CDH9: variants seen among roughly 807,000 people sequenced by gnomAD.
CDH9 encodes cadherin 9.
CDH9 carries 28 observed loss-of-function variants against 70.9 expected under a neutral mutation model. The observed-to-expected ratio is 0.40, with a 90% CI of 0.29 to 0.54. The LOEUF (loss-of-function observed/expected upper bound fraction) is 0.54, where lower values mean the gene tolerates loss of function less well. Ranked by LOEUF, CDH9 falls within the 20% of genes least tolerant of loss-of-function variation. The pLI is 0.59. For synonymous variants in CDH9, 409 were observed against 343.1 expected (o/e 1.19, Z -2.12); for missense variants, 874 against 984.4 (o/e 0.89, Z 1.50).
rs143100469 is a variant in CDH9 at position 26,903,808 on chromosome 5, A to G, written c.828T>C (p.Asn276=). 68 of 1,568,498 alleles carry G rather than the reference A, an allele frequency of 4.3e-5. No individual in the cohort carries two copies. The African/African-American group carries it at 8.3e-4, about 19-fold the overall frequency. The change falls in exon 6 of 12, where the codon AAT becomes AAC. Residue 276 remains asparagine, a synonymous_variant. Coordinates refer to ENST00000231021, the MANE Select transcript of CDH9 (RefSeq NM_016279.4). ...TTCCAAGAGGTACAGACTCAGGAGA[A>G]TTAAATTGATACGTACCTATAAATT... ...PRFPQSTYQF[N]SPESVPLGTH... is the part of the protein sequence containing the mutation.
intron 2 of CDH9, among the ~76,000 whole-genome samples, chr5:26,986,754 C>T (rs1391738247): frequency 2.0e-5 from 3 of 151,972 alleles, no homozygotes; most frequent in Admixed American, 2.0e-4. Flanking sequence ...GCTAGCTGAA[C>T]TTGAATTTCC....
Position 26,982,054 on chromosome 5 carries a change from C to T in CDH9, c.228+6052G>A, listed in dbSNP as rs180698936. Among the ~76,000 whole-genome samples, 272 of 152,110 alleles carry T rather than the reference C, an allele frequency of 1.8e-3. 2 individuals are homozygous for T. The highest frequency in any genetic ancestry group is 6.2e-3 in the African/African-American group (258 of 41,494). ...CTTCTGTCACTTGTTGTTTCCCTCC[C>T]TCCGTCTCGTCCTTCCTGATGAGTA... On this transcript the variant is annotated intron_variant, in intron 2 of 11. Transcript: ENST00000231021.
At chr5:26,916,732 G>A (rs1004334759) in intron 2 of CDH9, among the ~76,000 whole-genome samples, 6 of 151,628 alleles carry the variant, frequency 4.0e-5, no homozygotes, top group African/African-American at 1.2e-4. Flanking sequence ...GTAGATTCAC[G>A]GGCTCTGTAT....
intron 2 of CDH9, among the ~76,000 whole-genome samples, chr5:26,951,291 CAAAAAAAAAAAAAAA>C (rs796799417): frequency 2.3e-5 from 2 of 86,196 alleles, no homozygotes; most frequent in African/African-American, 1.1e-4. Context: ...GACTCTGTCT[CAAAAAAAAAAAAAAA>C]AAAAAAAAAA....
intron 2 of CDH9, among the ~76,000 whole-genome samples, chr5:26,965,154 C>T (rs1742107372): frequency 6.6e-6 from 1 of 152,176 alleles, no homozygotes; most frequent in East Asian, 1.9e-4. Context: ...GTAATATCCC[C>T]TCTTAATAGA....
In CDH9 at chr5:26,959,581, T is replaced by C. The variant is rs1227779097; in HGVS notation, c.228+28525A>G. ...ATGTTCAAAGCTGCCTTATTTATAA[T>C]AGCCAAAGGAAGAAACCAAAGATCT... On this transcript the variant is annotated intron_variant, in intron 2 of 11. Transcript: ENST00000231021. Among the ~76,000 whole-genome samples, 3 of 152,116 alleles carry C rather than the reference T, an allele frequency of 2.0e-5. No individual in the cohort carries two copies. In the East Asian group the frequency reaches 5.8e-4, roughly 29 times the overall value.
intron 1 of CDH9, among the ~76,000 whole-genome samples, chr5:26,996,151 T>C (rs1742661935): frequency 1.3e-5 from 2 of 151,968 alleles, no homozygotes; most frequent in Admixed American, 1.3e-4. Context: ...ATTTTAATTA[T>C]TCTAATCTTT....
chr5:26,991,620 A>G (rs1043884969), intron 1 of CDH9, among the ~76,000 whole-genome samples: 4 of 152,192 alleles, frequency 2.6e-5, no homozygotes, highest in African/African-American at 9.6e-5. Flanking sequence ...TCCTTGTCTC[A>G]GGTTTTGTTT....
chr5:26,882,570 C>T (rs996532576), intron 11 of CDH9, among the ~76,000 whole-genome samples: 4 of 151,812 alleles, frequency 2.6e-5, no homozygotes, highest in South Asian at 2.1e-4. Flanking sequence ...GAAGCAAACA[C>T]GATTTTAAAA....
chr5:26,984,619 A>T (rs1742459521), intron 2 of CDH9, among the ~76,000 whole-genome samples: 1 of 152,146 alleles, frequency 6.6e-6, no homozygotes, highest in Non-Finnish European at 1.5e-5. Flanking sequence ...ATTCTCTAAC[A>T]GAATAGTAGG....
At chr5:27,030,119 G>T (rs1743286165) in intron 1 of CDH9, among the ~76,000 whole-genome samples, 2 of 151,934 alleles carry the variant, frequency 1.3e-5, no homozygotes, top group Admixed American at 6.6e-5. Context: ...GGACTGCATT[G>T]TTGGAAGAGT....
intron 2 of CDH9, among the ~76,000 whole-genome samples, chr5:26,960,785 C>T (rs1742020436): frequency 7.7e-6 from 1 of 130,418 alleles, no homozygotes; most frequent in South Asian, 3.1e-4. Context: ...TAAAAGTTTT[C>T]ATTGTAAAAG....
chr5:26,961,176 A>C (rs1030007185), intron 2 of CDH9, among the ~76,000 whole-genome samples: 7 of 152,130 alleles, frequency 4.6e-5, no homozygotes, highest in African/African-American at 2.4e-5. Context: ...GGTAAGCAAC[A>C]AGGTGTTTTG....
chr5:26,975,198 G>T (rs1295453525), intron 2 of CDH9, among the ~76,000 whole-genome samples: 1 of 151,854 alleles, frequency 6.6e-6, no homozygotes, highest in Non-Finnish European at 1.5e-5. Context: ...GAAAAGAAGG[G>T]ATGTGACCCT....
chr5:26,965,574 T>TTAA (rs59563835), intron 2 of CDH9, among the ~76,000 whole-genome samples: 9,816 of 146,636 alleles, frequency 0.067, 817 homozygotes, highest in African/African-American at 0.2. Context: ...AGACTCTGTC[T>TTAA]TAATAATAAT....
At chr5:26,961,769 T>C (rs1579479236) in intron 2 of CDH9, among the ~76,000 whole-genome samples, 1 of 152,194 alleles carries the variant, frequency 6.6e-6, no homozygotes, top group East Asian at 1.9e-4. Flanking sequence ...AGACTTAGCA[T>C]GCAGTTTCGT....
chr5:26,954,723 T>G (rs1236541686), intron 2 of CDH9, among the ~76,000 whole-genome samples: 1 of 152,186 alleles, frequency 6.6e-6, no homozygotes, highest in East Asian at 1.9e-4. Flanking sequence ...AAAAACAAAT[T>G]ACCACCATTT....
chr5:26,989,059 T>C (rs1159351916), intron 1 of CDH9, among the ~76,000 whole-genome samples: 1 of 152,072 alleles, frequency 6.6e-6, no homozygotes, highest in African/African-American at 2.4e-5. Context: ...AAAAGCATTT[T>C]ACATGGTAAT....
chr5:26,928,714 T>A (rs1741388466), intron 2 of CDH9, among the ~76,000 whole-genome samples: 1 of 151,710 alleles, frequency 6.6e-6, no homozygotes, highest in Non-Finnish European at 1.5e-5. Context: ...TCATTTTCAA[T>A]AAAAGTGCCA....
Sources: allele counts gnomAD v4.1 joint callset (sites outside exome capture counted in the v4.1 genomes callset), GRCh38; gene constraint gnomAD v4.1.1; transcripts MANE v1.5; gene names NCBI Gene and HGNC (gene_info 2026-07-23, HGNC 2026-07-21).